Variants in CFAP47 observed in about 807,000 individuals in gnomAD.
CFAP47 encodes cilia- and flagella-associated protein 47.
Under a neutral mutation model 148.1 loss-of-function variants are expected in CFAP47, and 29 were observed. The observed-to-expected ratio is 0.20, with a 90% confidence interval of 0.15 to 0.27. The LOEUF (loss-of-function observed/expected upper bound fraction) is 0.27, where lower values mean the gene tolerates loss of function less well. Ranked by LOEUF, CFAP47 falls within the 10% of genes least tolerant of loss-of-function variation. CFAP47 has a pLI of 1.00. For synonymous variants in CFAP47, 664 were observed against 577.3 expected (o/e 1.15, Z -2.15); for missense variants, 1,872 against 1,697.5 (o/e 1.10, Z -1.81).
chrX:36,354,407 G>A (rs1281957415), intron 60 of CFAP47, among the ~76,000 whole-genome samples: 1 of 105,591 alleles, frequency 9.5e-6, no homozygotes. Context: ...CTTGAACCTG[G>A]GAGGCGGAGG....
At chrX:36,176,252 A>C (rs1010830608) in intron 39 of CFAP47, among the ~76,000 whole-genome samples, 61 of 111,369 alleles carry the variant, frequency 5.5e-4, no homozygotes, top group Middle Eastern at 4.6e-3. Flanking sequence ...TGCAGAAATC[A>C]CCCATCTTCT....
At chrX:36,129,991 A>G (rs1281021193) in intron 33 of CFAP47, among the ~76,000 whole-genome samples, 1 of 111,699 alleles carries the variant, frequency 9.0e-6, no homozygotes, top group African/African-American at 3.2e-5. Flanking sequence ...AAAGATGTTC[A>G]GCATAATTAG....
At chrX:36,273,344 G>A (rs190329841) in intron 49 of CFAP47, among the ~76,000 whole-genome samples, 32 of 111,407 alleles carry the variant, frequency 2.9e-4, no homozygotes, top group African/African-American at 1.0e-3. Context: ...AAACAAGTCT[G>A]TTTTTCAAAA....
chrX:35,924,920 A>T (rs1444762300), intron 1 of CFAP47, among the ~76,000 whole-genome samples: 1 of 111,245 alleles, frequency 9.0e-6, no homozygotes, highest in Admixed American at 9.6e-5. Flanking sequence ...AAAAATTCAG[A>T]CTCGTAGAAG....
chrX:35,950,011 G>GA (rs889020449), intron 4 of CFAP47, among the ~76,000 whole-genome samples: 7 of 111,526 alleles, frequency 6.3e-5, no homozygotes, highest in Admixed American at 3.8e-4. Context: ...AACAGTAAGA[G>GA]AAAAAACACT....
At chrX:36,134,938 AAAAG>A (rs1388075135) in intron 33 of CFAP47, among the ~76,000 whole-genome samples, 2 of 111,467 alleles carry the variant, frequency 1.8e-5, no homozygotes, top group African/African-American at 6.5e-5. Flanking sequence ...CATCACCAAA[AAAAG>A]ATAGAAAGAT....
intron 59 of CFAP47, among the ~76,000 whole-genome samples, chrX:36,352,809 A>G (rs782684858): frequency 1.2e-4 from 13 of 109,702 alleles, no homozygotes; most frequent in African/African-American, 2.3e-4. Flanking sequence ...GGAGATGATA[A>G]AATATTGGAA....
chrX:36,008,120 C>T (rs1937000033), intron 21 of CFAP47, among the ~76,000 whole-genome samples: 1 of 111,256 alleles, frequency 9.0e-6, no homozygotes, highest in Non-Finnish European at 1.9e-5. Context: ...ACTCAAGCCC[C>T]AGTAACTGTC....
At chrX:36,319,762 AG>A (rs2046199540) in intron 57 of CFAP47, among the ~76,000 whole-genome samples, 1 of 111,330 alleles carries the variant, frequency 9.0e-6, no homozygotes, top group Admixed American at 9.6e-5. Context: ...AATTTATTAC[AG>A]GGTATAAATT....
intron 22 of CFAP47, among the ~76,000 whole-genome samples, chrX:36,024,345 C>G (rs894575980): frequency 1.8e-5 from 2 of 111,761 alleles, no homozygotes; most frequent in African/African-American, 6.5e-5. Context: ...TTTTGCCTCT[C>G]TTCTCCTCAA....
chrX:36,128,465 C>A (rs1938885278), intron 33 of CFAP47, among the ~76,000 whole-genome samples: 1 of 110,983 alleles, frequency 9.0e-6, no homozygotes, highest in Non-Finnish European at 1.9e-5. Flanking sequence ...ATATACATTT[C>A]TTTGTAAATT....
chrX:36,307,379 A>G (rs999981058), intron 55 of CFAP47, among the ~76,000 whole-genome samples: 6 of 111,216 alleles, frequency 5.4e-5, no homozygotes, highest in Admixed American at 4.8e-4. Context: ...CCGTAGTCCT[A>G]TAATGGAAGT....
intron 2 of CFAP47, among the ~76,000 whole-genome samples, chrX:35,935,865 C>T (rs993333088): frequency 2.7e-5 from 3 of 111,239 alleles, no homozygotes; most frequent in Admixed American, 9.6e-5. Context: ...AGATGTGATA[C>T]GTGCATTCAT....
chrX:35,975,573 G>T, intron 14 of CFAP47, 99 bp from the exon 15 acceptor site: 1 of 866,009 alleles, frequency 1.2e-6, no homozygotes, highest in South Asian at 2.3e-5. Context: ...TAAGAATTGT[G>T]GATGTTAATC....
In CFAP47 at chrX:36,055,194, A is replaced by G. The variant is rs375366518; in HGVS notation, c.4217+8131A>G. Among the ~76,000 whole-genome samples the G allele has an allele frequency of 2.2e-4, 24 of 109,690 alleles. No individual in the cohort carries two copies. The East Asian group carries it at 3.1e-3, about 14-fold the overall frequency. ...ATTTTTATTTTAATTTCAGGGGTAC[A>G]TGTGCAGGATGCGCAGGCTTGTTAC... is the stretch of plus-strand genomic sequence containing the variant. On this transcript the variant is annotated intron_variant, in intron 26 of 63. Coordinates refer to ENST00000378653, the MANE Select transcript of CFAP47 (RefSeq NM_001304548.2).
At chrX:36,017,108 G>T (rs1205463566) in intron 22 of CFAP47, among the ~76,000 whole-genome samples, 5 of 110,547 alleles carry the variant, frequency 4.5e-5, no homozygotes, top group Admixed American at 9.7e-5. Flanking sequence ...TACAAATAAA[G>T]CTAGCATATG....
intron 57 of CFAP47, among the ~76,000 whole-genome samples, chrX:36,332,234 T>C (rs1259500575): frequency 7.2e-5 from 8 of 111,700 alleles, no homozygotes; most frequent in Non-Finnish European, 1.5e-4. Context: ...TGAAAATCAA[T>C]CCATCAAATG....
At chrX:35,994,664 A>G (rs1936825717) in intron 18 of CFAP47, among the ~76,000 whole-genome samples, 1 of 111,435 alleles carries the variant, frequency 9.0e-6, no homozygotes, top group Admixed American at 9.6e-5. Flanking sequence ...TGGGTAGAAT[A>G]CTTTTAAACA....
Position 35,975,867 on chromosome X carries a change from C to A in CFAP47, c.2667C>A (p.Pro889=). The A allele has an allele frequency of 8.3e-7, 1 of 1,209,138 alleles. No homozygotes were observed. Among genetic ancestry groups the A allele is most frequent in the Non-Finnish European group, 1.1e-6 (1 of 893,439 alleles). Residue 889 remains proline, a synonymous_variant, in exon 15 of 64, where the codon CCC becomes CCA. Coordinates refer to ENST00000378653, the MANE Select transcript of CFAP47 (RefSeq NM_001304548.2). The part of the protein sequence containing the change: ...QNCCAQFQWQ[P]VNTGRGIAFS... ...GTTGTGCTCAGTTTCAATGGCAACC[C>A]GTAAACACAGGAAGAGGGATAGCAT...
Sources: allele counts gnomAD v4.1 joint callset (sites outside exome capture counted in the v4.1 genomes callset), GRCh38; gene constraint gnomAD v4.1.1; transcripts MANE v1.5; gene names NCBI Gene and HGNC (gene_info 2026-07-23, HGNC 2026-07-21).